DYSF: variants seen among roughly 807,000 people sequenced by gnomAD.
The protein encoded by DYSF is dysferlin.
In DYSF, 212 loss-of-function variants were observed where a neutral mutation model predicts 274.9. That is an observed-to-expected ratio of 0.77 (90% CI 0.69 to 0.86). The LOEUF (loss-of-function observed/expected upper bound fraction) is 0.86. Ranked by LOEUF, DYSF falls within the 40% of genes least tolerant of loss-of-function variation. The pLI is 0.00. For synonymous variants in DYSF, 1,091 were observed against 1,078.7 expected, an observed-to-expected ratio of 1.01 and a Z score of -0.22; for missense variants, 2,666 against 2,783.2, an observed-to-expected ratio of 0.96 and a Z score of 0.95.
intron 9 of DYSF, among the ~76,000 whole-genome samples, 192 bp downstream of exon 9, chr2:71,516,434 A>T (rs940539542): frequency 6.6e-6 from 1 of 152,162 alleles, no homozygotes; most frequent in Non-Finnish European, 1.5e-5. Flanking sequence ...TGACATATGG[A>T]TGATGTGGAG....
At chr2:71,631,768 C>T (rs1416148501) in intron 41 of DYSF, among the ~76,000 whole-genome samples, 6 of 152,014 alleles carry the variant, frequency 3.9e-5, no homozygotes, top group Admixed American at 2.6e-4. Flanking sequence ...TCCTCGTTGC[C>T]GGAGCCCTTG....
chr2:71,636,742 C>T (rs758400219), intron 41 of DYSF, among the ~76,000 whole-genome samples: 1 of 152,100 alleles, frequency 6.6e-6, no homozygotes, highest in Non-Finnish European at 1.5e-5. Flanking sequence ...CCAGGGAGAA[C>T]CCAAGGGAGT....
chr2:71,511,996 G>A, intron 5 of DYSF, 75 bp downstream of exon 5: 1 of 984,874 alleles, frequency 1.0e-6, no homozygotes, highest in Non-Finnish European at 1.6e-6. Context: ...GGGGCTGGGA[G>A]CTGCAGCGAG....
Position 71,644,168 on chromosome 2 carries a change from C to G in DYSF, c.4626+105C>G, listed in dbSNP as rs2094531554. 5.9e-6 allele frequency: 6 copies of G among 1,014,170 alleles called. No individual in the cohort carries two copies. The South Asian group carries it at 6.8e-5, about 12-fold the overall frequency. The allele number at this position is 1,014,170 out of a possible 1,614,324, so 62.8% of individuals were successfully genotyped here. A position where few individuals can be genotyped will look rare whatever the true frequency, so the allele number is the denominator to read the frequency against. On this transcript the variant is annotated intron_variant, in intron 42 of 55. Coordinates refer to ENST00000410020, the MANE Select transcript of DYSF (RefSeq NM_001130987.2). ...GCAGTAGATGTATTTGCATTTGTCTCCTCATTCGGTGTCTGAGGGTGATGA... is the reference window on the plus strand; with the variant it reads ...GCAGTAGATGTATTTGCATTTGTCTGCTCATTCGGTGTCTGAGGGTGATGA...
At chr2:71,681,345 T>C (rs2095294332) in intron 54 of DYSF, among the ~76,000 whole-genome samples, 1 of 152,236 alleles carries the variant, frequency 6.6e-6, no homozygotes, top group South Asian at 2.1e-4. Flanking sequence ...CTGTTGGTTG[T>C]GTGCCAAGCA....
intron 3 of DYSF, among the ~76,000 whole-genome samples, chr2:71,500,356 G>A (rs1175644419): frequency 6.6e-6 from 1 of 152,146 alleles, no homozygotes; most frequent in African/African-American, 2.4e-5. Flanking sequence ...AGCCTGCCCT[G>A]CTATTTCCAG....
intron 30 of DYSF, chr2:71,588,705 G>C (rs1315430476): frequency 1.3e-5 from 2 of 152,798 alleles, no homozygotes; most frequent in Non-Finnish European, 2.9e-5. Context: ...CCACCCCTCT[G>C]AAATGGAGCA....
intron 45 of DYSF, among the ~76,000 whole-genome samples, chr2:71,661,371 T>C (rs2094878895): frequency 6.6e-6 from 1 of 152,294 alleles, no homozygotes; most frequent in Non-Finnish European, 1.5e-5. Flanking sequence ...GAAATCATCA[T>C]TGGTGCATTA....
chr2:71,667,787 C>G (rs556639580), intron 48 of DYSF, among the ~76,000 whole-genome samples: 1 of 152,154 alleles, frequency 6.6e-6, no homozygotes, highest in Non-Finnish European at 1.5e-5. Context: ...CCGACCTCTC[C>G]TTGTCATCCT....
In DYSF at chr2:71,606,751, C is replaced by G. The variant is rs72902660; in HGVS notation, c.3957+3946C>G. Reference sequence around the variant, plus strand: ...TTCTGGAGCGTCTTGGGGAGATTTTCTAGAGACCTTGAATTAGGCCCTAAA... The same window carrying G: ...TTCTGGAGCGTCTTGGGGAGATTTTGTAGAGACCTTGAATTAGGCCCTAAA... On this transcript the variant is annotated intron_variant, in intron 36 of 55. Coordinates refer to ENST00000410020, the MANE Select transcript of DYSF (RefSeq NM_001130987.2). Among the ~76,000 whole-genome samples, 647 of 152,202 alleles carry G rather than the reference C, an allele frequency of 4.3e-3. 7 individuals are homozygous for G. The highest frequency in any genetic ancestry group is 0.015 in the African/African-American group (611 of 41,508).
upstream of DYSF, chr2:71,466,587 C>G: frequency 2.5e-6 from 3 of 1,190,032 alleles, no homozygotes; most frequent in East Asian, 1.0e-4. Context: ...CGTCTGACCC[C>G]TGTCCCTCCC....
At chr2:71,663,684 C>T (rs2094942765) in intron 45 of DYSF, among the ~76,000 whole-genome samples, 1 of 152,220 alleles carries the variant, frequency 6.6e-6, no homozygotes, top group South Asian at 2.1e-4. Flanking sequence ...TTCTCAGATA[C>T]AGCAAGAGCT....
chr2:71,493,293 C>T (rs926528721), intron 3 of DYSF, among the ~76,000 whole-genome samples: 6 of 152,170 alleles, frequency 3.9e-5, no homozygotes, highest in East Asian at 3.8e-4. Flanking sequence ...TCCCCCAGTG[C>T]GGGATTCAGC....
chr2:71,651,341 A>G (rs1220950664), intron 42 of DYSF, among the ~76,000 whole-genome samples: 2 of 152,174 alleles, frequency 1.3e-5, no homozygotes, highest in African/African-American at 4.8e-5. Flanking sequence ...AAAATCCGCA[A>G]TGAAAACAGG....
intron 32 of DYSF, among the ~76,000 whole-genome samples, chr2:71,597,344 C>T (rs1558574096): frequency 6.6e-6 from 1 of 152,154 alleles, no homozygotes; most frequent in Non-Finnish European, 1.5e-5. Context: ...GGGTTCAGCC[C>T]TCAAGGTGAC....
chr2:71,685,747 C>T (rs1048959336), intron 55 of DYSF, among the ~76,000 whole-genome samples: 5 of 152,186 alleles, frequency 3.3e-5, no homozygotes, highest in South Asian at 2.1e-4. Context: ...GAAGGAGGGC[C>T]GGCTCTGTTT....
rs527253800 is a variant in DYSF, at chr2:71,530,982, G to T, written c.1380+2581G>T. On this transcript the variant is annotated intron_variant, in intron 14 of 55. Coordinates refer to ENST00000410020, the MANE Select transcript of DYSF (RefSeq NM_001130987.2). ...TTTGGCCAAGTTCCTAAGAAGATAG[G>T]AGTGTGGGAGAGTGTGTGCGACTGT... 1.6e-4 allele frequency among the ~76,000 whole-genome samples: 25 copies of T among 152,214 alleles called. No individual in the cohort carries two copies. The South Asian group carries it at 5.2e-3, about 32-fold the overall frequency.
upstream of DYSF, among the ~76,000 whole-genome samples, chr2:71,465,371 G>C (rs1456251948): frequency 6.6e-6 from 1 of 152,164 alleles, no homozygotes; most frequent in Non-Finnish European, 1.5e-5. Context: ...ACCTGAAGAA[G>C]TTCTCTGCTC....
chr2:71,621,876 G>A (rs1468650913), intron 41 of DYSF, among the ~76,000 whole-genome samples: 2 of 151,922 alleles, frequency 1.3e-5, no homozygotes, highest in Non-Finnish European at 2.9e-5. Context: ...GGCCAGTCTG[G>A]TCTCGGACTC....
Sources: allele counts gnomAD v4.1 joint callset (sites outside exome capture counted in the v4.1 genomes callset), GRCh38; gene constraint gnomAD v4.1.1; transcripts MANE v1.5; gene names NCBI Gene and HGNC (gene_info 2026-07-23, HGNC 2026-07-21).